The following GRM1 variants were observed in gnomAD, a reference collection of about 807,000 sequenced individuals.
GRM1 encodes glutamate metabotropic receptor 1, also known as metabotropic glutamate receptor 1.
A neutral mutation model predicts 90.9 loss-of-function variants in GRM1; 33 were observed. That is an observed-to-expected ratio of 0.36 (90% confidence interval 0.28 to 0.49). GRM1 has a LOEUF of 0.49. Ranked by LOEUF, GRM1 falls within the 20% of genes least tolerant of loss-of-function variation. GRM1 has a pLI of 0.99. For missense variants in GRM1, 1,190 were observed against 1,534.3 expected, an observed-to-expected ratio of 0.78 and a Z score of 3.75; for synonymous variants, 700 against 613.2, an observed-to-expected ratio of 1.14 and a Z score of -2.09.
At chr6:146,200,752 G>C (rs1779272354) in intron 2 of GRM1, among the ~76,000 whole-genome samples, 1 of 152,142 alleles carries the variant, frequency 6.6e-6, no homozygotes. Flanking sequence ...GGGAGCATAA[G>C]GTGGAGAGAG....
At chr6:146,170,849 T>C (rs916145398) in intron 2 of GRM1, among the ~76,000 whole-genome samples, 2 of 152,272 alleles carry the variant, frequency 1.3e-5, no homozygotes, top group Middle Eastern at 3.4e-3. Context: ...AAAAATCTCA[T>C]TTTTGGTTAA....
At chr6:146,230,507 A>G (rs1780412133) in intron 2 of GRM1, among the ~76,000 whole-genome samples, 1 of 152,204 alleles carries the variant, frequency 6.6e-6, no homozygotes, top group Non-Finnish European at 1.5e-5. Flanking sequence ...CAGAACACTG[A>G]CAACACACAA....
At chr6:146,416,310 C>T (rs1777781065) in intron 7 of GRM1, among the ~76,000 whole-genome samples, 1 of 151,336 alleles carries the variant, frequency 6.6e-6, no homozygotes, top group Non-Finnish European at 1.5e-5. Flanking sequence ...TTTGATTAGT[C>T]TAATATTTAT....
At chr6:146,409,099 A>C (rs1777465833) in intron 7 of GRM1, among the ~76,000 whole-genome samples, 1 of 152,136 alleles carries the variant, frequency 6.6e-6, no homozygotes, top group Non-Finnish European at 1.5e-5. Context: ...AAATATAAGA[A>C]ATAATATCAG....
chr6:146,376,501 T>C (rs1776104512), intron 5 of GRM1, among the ~76,000 whole-genome samples: 1 of 152,138 alleles, frequency 6.6e-6, no homozygotes, highest in African/African-American at 2.4e-5. Context: ...GGAGTCTTTA[T>C]TTCTCCTTTA....
At chr6:146,321,423 G>A (rs1255672554) in intron 3 of GRM1, among the ~76,000 whole-genome samples, 1 of 152,186 alleles carries the variant, frequency 6.6e-6, no homozygotes, top group Non-Finnish European at 1.5e-5. Flanking sequence ...GCGATGTGGT[G>A]CTGAGAAGAA....
chr6:146,433,836 T>A, intron 7 of GRM1, 36 bp from the exon 8 acceptor site: 6 of 1,386,164 alleles, frequency 4.3e-6, no homozygotes, highest in Non-Finnish European at 6.2e-6. Flanking sequence ...GTGCATGATC[T>A]ATCTGCAAAT....
chr6:146,125,424 A>C, intron 1 of GRM1, among the ~76,000 whole-genome samples: 1 of 149,660 alleles, frequency 6.7e-6, no homozygotes, highest in Non-Finnish European at 1.5e-5. Flanking sequence ...CCCTTCCTCC[A>C]TTCCTTCCTT....
rs545981561 is a variant in GRM1, at chr6:146,087,776, C to A, written c.700+57559C>A. 9.9e-5 allele frequency among the ~76,000 whole-genome samples: 15 copies of A among 152,256 alleles called. No homozygotes were observed. In the South Asian group the frequency reaches 1.7e-3, roughly 17 times the overall value. ...CAATTTGTTGCGTGCCTCAAAAGTT[C>A]ATTCCTTTTTTTGGTTGAATGGTAT... On this transcript the variant is annotated intron_variant, in intron 1 of 7. Coordinates refer to ENST00000282753, the MANE Select transcript of GRM1 (RefSeq NM_001278064.2).
intron 6 of GRM1, among the ~76,000 whole-genome samples, chr6:146,387,304 C>A (rs1776544358): frequency 6.6e-6 from 1 of 151,924 alleles, no homozygotes. Flanking sequence ...GTATTTCTGG[C>A]CACCTGAATT....
chr6:146,420,690 A>T (rs1467414595), intron 7 of GRM1, among the ~76,000 whole-genome samples: 1 of 152,238 alleles, frequency 6.6e-6, no homozygotes, highest in East Asian at 1.9e-4. Flanking sequence ...GTGATACACT[A>T]TTGGAGAATG....
At chr6:146,401,419 C>A (rs1482421977) in intron 7 of GRM1, among the ~76,000 whole-genome samples, 1 of 151,166 alleles carries the variant, frequency 6.6e-6, no homozygotes, top group Admixed American at 6.6e-5. Flanking sequence ...AACAGTGCCA[C>A]GAAATGGGAA....
chr6:146,423,016 G>T (rs1348697560), intron 7 of GRM1, among the ~76,000 whole-genome samples: 1 of 151,362 alleles, frequency 6.6e-6, no homozygotes, highest in African/African-American at 2.4e-5. Context: ...GAAGAAGGAA[G>T]GAGAGAAGGG....
intron 2 of GRM1, among the ~76,000 whole-genome samples, chr6:146,203,076 C>G (rs1275976406): frequency 6.6e-6 from 1 of 151,894 alleles, no homozygotes; most frequent in African/African-American, 2.4e-5. Context: ...CGCCTGTAGT[C>G]CCAGCTACTG....
chr6:146,281,252 G>C (rs946802120), intron 2 of GRM1, among the ~76,000 whole-genome samples: 1 of 152,158 alleles, frequency 6.6e-6, no homozygotes, highest in Non-Finnish European at 1.5e-5. Flanking sequence ...GTAACAGGAA[G>C]TAAACTAACC....
At chr6:146,068,460 T>C (rs2128857548) in intron 1 of GRM1, among the ~76,000 whole-genome samples, 1 of 152,322 alleles carries the variant, frequency 6.6e-6, no homozygotes, top group South Asian at 2.1e-4. Flanking sequence ...ATTATGTCTT[T>C]GCATCCACAA....
At chr6:146,424,962 T>C (rs1778144190) in intron 7 of GRM1, among the ~76,000 whole-genome samples, 1 of 152,240 alleles carries the variant, frequency 6.6e-6, no homozygotes. Flanking sequence ...CGAGTAGGCA[T>C]CTTGAATGTC....
chr6:146,237,017 C>G (rs1175806548), intron 2 of GRM1, among the ~76,000 whole-genome samples: 1 of 152,118 alleles, frequency 6.6e-6, no homozygotes, highest in Non-Finnish European at 1.5e-5. Flanking sequence ...TAAAATTTGT[C>G]TCACTGGCTT....
intron 4 of GRM1, among the ~76,000 whole-genome samples, chr6:146,355,016 T>C (rs1029774325): frequency 2.6e-5 from 4 of 152,122 alleles, no homozygotes; most frequent in Admixed American, 6.5e-5. Flanking sequence ...ATTTCTCTTA[T>C]GAAAAAGCAA....
Sources: gnomAD v4.1 joint callset for allele counts (sites outside exome capture counted in the v4.1 genomes callset) on GRCh38, gnomAD v4.1.1 for gene constraint, MANE v1.5 for transcripts, NCBI Gene and HGNC (gene_info 2026-07-23, HGNC 2026-07-21) for gene names.